Variants in SERGEF observed in about 807,000 individuals in gnomAD.
SERGEF encodes the protein secretion regulating guanine nucleotide exchange factor, also known as secretion-regulating guanine nucleotide exchange factor.
SERGEF carries 51 observed loss-of-function variants against 50.0 expected under a neutral mutation model. The ratio of observed to expected loss-of-function variants is 1.02; its 90% CI spans 0.81 to 1.29. The LOEUF is 1.29. Among genes scored for constraint, SERGEF ranks in the 50% most tolerant of loss-of-function variants. SERGEF has a pLI of 0.00. For missense variants in SERGEF, 521 were observed against 557.0 expected (o/e 0.94, Z 0.65); for synonymous variants, 205 against 212.4 (o/e 0.97, Z 0.30).
intron 9 of SERGEF, among the ~76,000 whole-genome samples, chr11:17,913,239 T>C (rs1359355535): frequency 6.6e-6 from 1 of 152,218 alleles, no homozygotes; most frequent in Non-Finnish European, 1.5e-5. Context: ...CCATCCTGCC[T>C]CCACTAGCCC....
rs1854192710 is a variant in SERGEF, at chr11:18,011,384, C to T, written c.60+1567G>A. On this transcript the variant is annotated intron_variant, in intron 1 of 10. Transcript: ENST00000265965. Reference sequence around the variant, plus strand: ...CGGATGCTCACGCACACAGAAAAGGCCATGTGAGGACACAGTGAAAAAAGC... The same window carrying T: ...CGGATGCTCACGCACACAGAAAAGGTCATGTGAGGACACAGTGAAAAAAGC... Among the ~76,000 whole-genome samples, 6 of 152,244 alleles carry T rather than the reference C, an allele frequency of 3.9e-5. No individual in the cohort carries two copies. In the South Asian group the frequency reaches 1.2e-3, roughly 32 times the overall value.
At chr11:17,851,019 C>T (rs972387162) in intron 10 of SERGEF, among the ~76,000 whole-genome samples, 1 of 152,146 alleles carries the variant, frequency 6.6e-6, no homozygotes, top group Non-Finnish European at 1.5e-5. Flanking sequence ...GACTCAGCCT[C>T]GATGTCCTTT....
chr11:17,985,406 G>A lies in SERGEF; in HGVS notation c.844+3191C>T, dbSNP rs546699168. Among the ~76,000 whole-genome samples the A allele has an allele frequency of 3.9e-5, 6 of 152,220 alleles. No individual in the cohort carries two copies. The East Asian group carries it at 7.7e-4, about 20-fold the overall frequency. On this transcript the variant is annotated intron_variant, in intron 8 of 10. Coordinates refer to ENST00000265965, the MANE Select transcript of SERGEF (RefSeq NM_012139.4). ...TGACTTAATCAAGGTCAACAAACTA[G>A]GAAGGCACCCAGATCTGCCATCCAA...
chr11:17,908,129 T>C (rs1851885723), intron 9 of SERGEF, among the ~76,000 whole-genome samples: 1 of 152,168 alleles, frequency 6.6e-6, no homozygotes, highest in African/African-American at 2.4e-5. Flanking sequence ...ATCACAGTGA[T>C]CTTTCTAAAA....
intron 10 of SERGEF, among the ~76,000 whole-genome samples, chr11:17,790,954 T>C (rs983079976): frequency 6.6e-6 from 1 of 152,256 alleles, no homozygotes; most frequent in Non-Finnish European, 1.5e-5. Flanking sequence ...TTTGGTTGTT[T>C]GCCTTTTCCT....
At chr11:17,805,601 G>T (rs1849745630) in intron 10 of SERGEF, among the ~76,000 whole-genome samples, 1 of 152,204 alleles carries the variant, frequency 6.6e-6, no homozygotes, top group South Asian at 2.1e-4. Context: ...AAGTGACAGG[G>T]TCATGACCAA....
chr11:17,848,476 G>A (rs1850655202), intron 10 of SERGEF, among the ~76,000 whole-genome samples: 1 of 152,198 alleles, frequency 6.6e-6, no homozygotes, highest in African/African-American at 2.4e-5. Context: ...CAGCTGGTGT[G>A]AACATCTGGG....
At chr11:17,814,912 C>A (rs181858648) in intron 10 of SERGEF, among the ~76,000 whole-genome samples, 1 of 152,118 alleles carries the variant, frequency 6.6e-6, no homozygotes, top group African/African-American at 2.4e-5. Context: ...TGGCTAGGTG[C>A]GCTCAGGCCT....
intron 8 of SERGEF, among the ~76,000 whole-genome samples, chr11:17,961,509 C>T (rs1205011919): frequency 2.6e-5 from 4 of 152,124 alleles, no homozygotes; most frequent in Non-Finnish European, 5.9e-5. Context: ...CCAGAAATCA[C>T]GCATTGAATC....
chr11:17,919,292 T>C (rs918942244), intron 9 of SERGEF, among the ~76,000 whole-genome samples: 31 of 152,176 alleles, frequency 2.0e-4, no homozygotes, highest in Middle Eastern at 6.8e-3. Context: ...TACTGCATCA[T>C]GGCCTGAAAA....
chr11:17,812,093 TG>T, intron 10 of SERGEF, among the ~76,000 whole-genome samples: 1 of 152,112 alleles, frequency 6.6e-6, no homozygotes, highest in Admixed American at 6.5e-5. Context: ...AGGCAGCTGG[TG>T]GGTCCAGAAA....
chr11:17,889,455 C>G (rs1445482650), intron 9 of SERGEF, among the ~76,000 whole-genome samples: 1 of 152,112 alleles, frequency 6.6e-6, no homozygotes, highest in Admixed American at 6.6e-5. Flanking sequence ...GAGGAAAAAT[C>G]AGATAAAACC....
At chr11:17,839,908 G>A (rs1392987509) in intron 10 of SERGEF, among the ~76,000 whole-genome samples, 1 of 152,230 alleles carries the variant, frequency 6.6e-6, no homozygotes, top group Non-Finnish European at 1.5e-5. Flanking sequence ...GTGGAGCTGA[G>A]ATTTAGCCTA....
Position 17,884,766 on chromosome 11 carries a change from G to A in SERGEF, c.1012-6522C>T, listed in dbSNP as rs1435600144. 1.3e-5 allele frequency among the ~76,000 whole-genome samples: 2 copies of A among 152,128 alleles called. No homozygotes were observed. The highest frequency in any genetic ancestry group is 2.9e-5 in the Non-Finnish European group (2 of 68,026). ...CATTTTTAAAAAAAGCACATTGTATGTATGCCTGTGAAAAAAATGAGCTTG... is the reference window on the plus strand; with the variant it reads ...CATTTTTAAAAAAAGCACATTGTATATATGCCTGTGAAAAAAATGAGCTTG... On this transcript the variant is annotated intron_variant, in intron 9 of 10. Coordinates refer to ENST00000265965, the MANE Select transcript of SERGEF (RefSeq NM_012139.4). The surrounding 1 kb of genome is among the most constrained non-coding windows in gnomAD (Gnocchi z 4.6).
At chr11:17,859,781 A>G (rs1850892814) in intron 10 of SERGEF, among the ~76,000 whole-genome samples, 1 of 152,236 alleles carries the variant, frequency 6.6e-6, no homozygotes, top group Admixed American at 6.5e-5. Context: ...TGGGAAATGC[A>G]TGCAAAAGTC....
intron 4 of SERGEF, chr11:18,001,980 C>T (rs1298113554): frequency 4.4e-6 from 2 of 456,186 alleles, no homozygotes; most frequent in Non-Finnish European, 8.8e-6. Flanking sequence ...AAATCCACAA[C>T]AAAACACAAC....
chr11:17,830,645 G>GGAGA (rs59425606), intron 10 of SERGEF, among the ~76,000 whole-genome samples: 4 of 19,390 alleles, frequency 2.1e-4, no homozygotes, highest in African/African-American at 5.6e-4. Flanking sequence ...GGAGGGAGAG[G>GGAGA]GAGGGAGAGA....
chr11:17,909,346 G>A (rs1286343267), intron 9 of SERGEF, among the ~76,000 whole-genome samples: 2 of 152,190 alleles, frequency 1.3e-5, no homozygotes, highest in African/African-American at 4.8e-5. Context: ...CTGTTTGAAG[G>A]AATCCAGAGC....
intron 9 of SERGEF, among the ~76,000 whole-genome samples, chr11:17,944,130 T>C (rs1382584778): frequency 2.6e-5 from 4 of 152,132 alleles, no homozygotes; most frequent in African/African-American, 9.7e-5. Context: ...GGTTTCGTCG[T>C]GTTAGCCAGG....
Sources: gnomAD v4.1 joint callset for allele counts (sites outside exome capture counted in the v4.1 genomes callset) on GRCh38, gnomAD v4.1.1 for gene constraint, Gnocchi (gnomAD v3.1) non-coding constraint, MANE v1.5 for transcripts, NCBI Gene and HGNC (gene_info 2026-07-23, HGNC 2026-07-21) for gene names.